Variants in DAG1 observed in about 807,000 individuals in gnomAD.
DAG1 encodes the protein dystroglycan 1.
DAG1 carries 8 observed loss-of-function variants against 46.1 expected under a neutral mutation model. The observed-to-expected ratio is 0.17, with a 90% CI of 0.10 to 0.31. The LOEUF is 0.31. DAG1 is among the 10% of genes least tolerant of loss of function. DAG1 has a pLI of 1.00. For synonymous variants in DAG1, 495 were observed against 481.8 expected (o/e 1.03, Z -0.36); for missense variants, 1,003 against 1,189.9 (o/e 0.84, Z 2.31).
intron 2 of DAG1, among the ~76,000 whole-genome samples, chr3:49,522,920 A>G (rs2051073570): frequency 6.6e-6 from 1 of 152,168 alleles, no homozygotes; most frequent in Non-Finnish European, 1.5e-5. Context: ...CAAGACAGCA[A>G]CTGTAAGGTC....
intron 1 of DAG1, among the ~76,000 whole-genome samples, chr3:49,504,567 CTTTTTTTTTTTTTTTTTTTTTTT>C (rs55662849): frequency 2.0e-5 from 1 of 49,756 alleles, no homozygotes; most frequent in Non-Finnish European, 3.5e-5. Context: ...CCAATACAGT[CTTTTTTTTTTTTTTTTTTTTTTT>C]TTTTTTTTTT....
At chr3:49,493,277 C>T (rs536405536) in intron 1 of DAG1, among the ~76,000 whole-genome samples, 2 of 152,138 alleles carry the variant, frequency 1.3e-5, no homozygotes, top group South Asian at 2.1e-4. Flanking sequence ...CTCCTGGGCT[C>T]AAGCAATCCA....
At chr3:49,475,852 C>G (rs937906875) in intron 1 of DAG1, among the ~76,000 whole-genome samples, 1 of 151,520 alleles carries the variant, frequency 6.6e-6, no homozygotes, top group Non-Finnish European at 1.5e-5. Flanking sequence ...TACAGGTGCC[C>G]GCCACCACAC....
At position 49,532,781 on chromosome 3, in the gene DAG1, C is replaced by T. The variant is rs1131691522; in HGVS notation, c.2270C>T (p.Ala757Val). The T allele has an allele frequency of 6.2e-7, 1 of 1,614,088 alleles. No individual in the cohort carries two copies. Residue 757 changes from alanine to valine, a missense_variant, in exon 3 of 3, where the codon GCC becomes GTC. Physicochemically the swap from Ala to Val is moderately conservative, Grantham distance 64. Coordinates refer to ENST00000308775, the MANE Select transcript of DAG1 (RefSeq NM_004393.6). This position sits in a 1 kb window ranked among gnomAD's most constrained non-coding sequence, Gnocchi z 5.4. The part of the protein sequence containing the change: ...DDVYLHTVIP[A>V]VVVAAILLIA... The stretch of plus-strand genomic sequence containing the variant: ...GTCTACCTGCACACAGTCATTCCGG[C>T]CGTGGTGGTCGCAGCCATCCTGCTC...
At chr3:49,500,982 C>T (rs1186890559) in intron 1 of DAG1, among the ~76,000 whole-genome samples, 1 of 152,184 alleles carries the variant, frequency 6.6e-6, no homozygotes, top group African/African-American at 2.4e-5. Flanking sequence ...ATTCCTAGCA[C>T]AGGCAGACAT....
At position 49,503,416 on chromosome 3, in the gene DAG1, T is replaced by C. The variant is rs557573445; in HGVS notation, c.-116-7003T>C. On this transcript the variant is annotated intron_variant, in intron 1 of 2. Transcript: ENST00000308775. ...GTTCTTCCTATCTTCAGCCCATTTT[T>C]ATTGTTTTAGGTTGCTTGATATTTT... is the stretch of plus-strand genomic sequence containing the variant. Among the ~76,000 whole-genome samples, 8 of 152,372 alleles carry C rather than the reference T, an allele frequency of 5.3e-5. No homozygotes were observed. In the South Asian group the frequency reaches 1.7e-3, roughly 32 times the overall value.
intron 1 of DAG1, among the ~76,000 whole-genome samples, chr3:49,482,565 A>G (rs909122670): frequency 2.6e-5 from 4 of 152,232 alleles, no homozygotes; most frequent in Admixed American, 2.6e-4. Flanking sequence ...GGAGAGAAAC[A>G]TAAATCTGGC....
At chr3:49,499,440 T>G (rs2050389926) in intron 1 of DAG1, among the ~76,000 whole-genome samples, 1 of 152,192 alleles carries the variant, frequency 6.6e-6, no homozygotes, top group Non-Finnish European at 1.5e-5. Context: ...TATATATATC[T>G]GAAAGTTTCA....
At chr3:49,477,493 A>G (rs992122869) in intron 1 of DAG1, among the ~76,000 whole-genome samples, 5 of 151,784 alleles carry the variant, frequency 3.3e-5, no homozygotes, top group African/African-American at 7.3e-5. Context: ...GGAACTCACT[A>G]TGTTGTCTGG....
chr3:49,504,633 C>A (rs1214620228), intron 1 of DAG1, among the ~76,000 whole-genome samples: 1 of 118,882 alleles, frequency 8.4e-6, no homozygotes, highest in East Asian at 2.4e-4. Context: ...GTTGCTCAGG[C>A]TGGAGTGCAG....
At chr3:49,480,394 G>C (rs2049842787) in intron 1 of DAG1, among the ~76,000 whole-genome samples, 1 of 149,838 alleles carries the variant, frequency 6.7e-6, no homozygotes, top group Non-Finnish European at 1.5e-5. Context: ...TCCTGCCTCA[G>C]CCTCCCGAGT....
chr3:49,506,179 A>G (rs1357724402), intron 1 of DAG1, among the ~76,000 whole-genome samples: 3 of 152,060 alleles, frequency 2.0e-5, no homozygotes, highest in African/African-American at 7.2e-5. Flanking sequence ...GGGTTTCACC[A>G]TGTTAGTCAG....
chr3:49,473,854 G>A (rs564113127), intron 1 of DAG1, among the ~76,000 whole-genome samples: 1 of 151,326 alleles, frequency 6.6e-6, no homozygotes, highest in East Asian at 1.9e-4. Context: ...AAAGTGTTGA[G>A]ATTACAGGCG....
At chr3:49,491,088 T>C (rs2050170236) in intron 1 of DAG1, among the ~76,000 whole-genome samples, 1 of 152,018 alleles carries the variant, frequency 6.6e-6, no homozygotes, top group Non-Finnish European at 1.5e-5. Flanking sequence ...TTTCGCCATG[T>C]TGGCCAGGCT....
At chr3:49,526,924 G>T (rs1285910467) in intron 2 of DAG1, among the ~76,000 whole-genome samples, 1 of 152,180 alleles carries the variant, frequency 6.6e-6, no homozygotes, top group Non-Finnish European at 1.5e-5. Context: ...GTTAAAATAA[G>T]TGTATGGCTT....
intron 2 of DAG1, 73 bp from the exon 3 acceptor site, chr3:49,530,708 CTGTCACACAATTCAGG>C: frequency 6.3e-7 from 1 of 1,586,066 alleles, no homozygotes; most frequent in Non-Finnish European, 8.6e-7. Context: ...TACCTTAAAC[CTGTCACACAATTCAGG>C]TTAACTGTTG....
At chr3:49,479,813 T>C (rs536389632) in intron 1 of DAG1, among the ~76,000 whole-genome samples, 1 of 146,662 alleles carries the variant, frequency 6.8e-6, no homozygotes, top group East Asian at 2.0e-4. Context: ...AATTTTTTTT[T>C]GTATTTTTAG....
At chr3:49,502,597 T>C (rs977817354) in intron 1 of DAG1, among the ~76,000 whole-genome samples, 4 of 151,812 alleles carry the variant, frequency 2.6e-5, no homozygotes, top group Non-Finnish European at 5.9e-5. Flanking sequence ...CAGGAATCAA[T>C]CAAACTATAT....
rs576989892 is a variant in DAG1, at chr3:49,525,801, G to A, written c.286-4996G>A. ...TCTTGATCTCCTGACCTCGTGATCCGCCTGCCTCAGCCTCCCAAAGTGCTG... is the reference window on the plus strand; with the variant it reads ...TCTTGATCTCCTGACCTCGTGATCCACCTGCCTCAGCCTCCCAAAGTGCTG... On this transcript the variant is annotated intron_variant, in intron 2 of 2. Coordinates refer to ENST00000308775, the MANE Select transcript of DAG1 (RefSeq NM_004393.6). 8.0e-5 allele frequency among the ~76,000 whole-genome samples: 12 copies of A among 150,840 alleles called. No individual in the cohort carries two copies. In the East Asian group the frequency reaches 2.0e-3, roughly 25 times the overall value.
Sources: allele counts gnomAD v4.1 joint callset (sites outside exome capture counted in the v4.1 genomes callset), GRCh38; gene constraint gnomAD v4.1.1; non-coding constraint Gnocchi (gnomAD v3.1); transcripts MANE v1.5; gene names NCBI Gene and HGNC (gene_info 2026-07-23, HGNC 2026-07-21).